The following TRPS1 variants were observed in gnomAD, a reference collection of about 807,000 sequenced individuals.
TRPS1 encodes the protein transcriptional repressor GATA binding 1.
TRPS1 carries 6 observed loss-of-function variants against 101.2 expected under a neutral mutation model. The observed-to-expected ratio is 0.06, with a 90% CI of 0.03 to 0.12. The LOEUF (loss-of-function observed/expected upper bound fraction) is 0.12. Among genes scored for constraint, TRPS1 ranks in the 10% least tolerant of loss-of-function variants. TRPS1 has a pLI of 1.00. For synonymous variants in TRPS1, 578 were observed against 589.8 expected, an observed-to-expected ratio of 0.98 and a Z score of 0.29; for missense variants, 1,363 against 1,567.0, an observed-to-expected ratio of 0.87 and a Z score of 2.20.
At chr8:115,479,425 T>C (rs1425504682) in intron 5 of TRPS1, among the ~76,000 whole-genome samples, 1 of 152,036 alleles carries the variant, frequency 6.6e-6, no homozygotes, top group Non-Finnish European at 1.5e-5. Context: ...TATATAGTGG[T>C]TTGCACAGTG....
intron 5 of TRPS1, among the ~76,000 whole-genome samples, chr8:115,506,001 A>C (rs990832876): frequency 1.3e-5 from 2 of 152,110 alleles, no homozygotes; most frequent in Admixed American, 1.3e-4. Context: ...TTAATCTATG[A>C]CTTAAAAATG....
chr8:115,538,408 A>G (rs1222879366), intron 5 of TRPS1, among the ~76,000 whole-genome samples: 4 of 152,164 alleles, frequency 2.6e-5, no homozygotes, highest in African/African-American at 9.7e-5. Flanking sequence ...TTTACCGACT[A>G]TCTTGCTAGC....
chr8:115,505,832 T>C (rs1815428977), intron 5 of TRPS1, among the ~76,000 whole-genome samples: 2 of 152,124 alleles, frequency 1.3e-5, no homozygotes, highest in South Asian at 4.1e-4. Flanking sequence ...ATAGATTGAA[T>C]GCATGTTTAC....
At chr8:115,589,022 G>T (rs573358735) in intron 4 of TRPS1, among the ~76,000 whole-genome samples, 28 of 152,156 alleles carry the variant, frequency 1.8e-4, no homozygotes, top group African/African-American at 6.5e-4. Flanking sequence ...AAAGGGCTGC[G>T]TAGGTAATCA....
chr8:115,620,185 A>G (rs1223607525), intron 2 of TRPS1, 125 bp from the exon 3 acceptor site: 4 of 484,316 alleles, frequency 8.3e-6, no homozygotes, highest in African/African-American at 6.4e-5. Flanking sequence ...CCTCTAGGAA[A>G]AAAAAAAAAA....
At chr8:115,533,273 A>G (rs2130272783) in intron 5 of TRPS1, among the ~76,000 whole-genome samples, 1 of 152,038 alleles carries the variant, frequency 6.6e-6, no homozygotes, top group South Asian at 2.1e-4. Context: ...CTCTCCCACC[A>G]CCCTCTGGTG....
At chr8:115,663,353 T>A in intron 1 of TRPS1, among the ~76,000 whole-genome samples, 1 of 151,784 alleles carries the variant, frequency 6.6e-6, no homozygotes. Flanking sequence ...TAAAGCAAAG[T>A]TTGGCATTAC....
intron 5 of TRPS1, among the ~76,000 whole-genome samples, chr8:115,423,829 A>T (rs73705191): frequency 0.011 from 1,743 of 152,168 alleles, 34 homozygotes; most frequent in African/African-American, 0.039. Flanking sequence ...ATTTTTTTTT[A>T]AATTTTAAAT....
intron 5 of TRPS1, among the ~76,000 whole-genome samples, chr8:115,508,406 C>T (rs1013111954): frequency 3.3e-5 from 5 of 152,042 alleles, no homozygotes; most frequent in African/African-American, 4.8e-5. Flanking sequence ...CATTTCCTGT[C>T]AAATATTGTC....
chr8:115,594,120 A>G (rs1353207473), intron 4 of TRPS1, among the ~76,000 whole-genome samples: 1 of 152,112 alleles, frequency 6.6e-6, no homozygotes, highest in South Asian at 2.1e-4. Flanking sequence ...ATGTACACAG[A>G]TATTTTGCAG....
intron 2 of TRPS1, 83 bp downstream of exon 2, chr8:115,623,518 C>A (rs181628078): frequency 6.6e-7 from 1 of 1,508,048 alleles, no homozygotes. Flanking sequence ...ATCTCTAAGA[C>A]AAATAACAGA....
At chr8:115,585,159 T>C (rs1817535770) in intron 5 of TRPS1, among the ~76,000 whole-genome samples, 1 of 152,160 alleles carries the variant, frequency 6.6e-6, no homozygotes, top group South Asian at 2.1e-4. Context: ...CTTCAGCAGC[T>C]AATGTGGAGG....
In TRPS1 at chr8:115,507,362, T is replaced by C. The variant is rs148041993; in HGVS notation, c.2700+79639A>G. On this transcript the variant is annotated intron_variant, in intron 5 of 6. Coordinates refer to ENST00000395715, the MANE Select transcript of TRPS1 (RefSeq NM_014112.5). ...CCCCAAACAGCCTAATCTTTGTCAA[T>C]TGGTGCCAAATTATGCAAGGTGCTG... Among the ~76,000 whole-genome samples, 365 of 152,230 alleles carry C rather than the reference T, an allele frequency of 2.4e-3. 1 individual carries two copies. Among genetic ancestry groups the C allele is most frequent in the Non-Finnish European group, 3.9e-3 (268 of 67,984 alleles).
chr8:115,618,173 C>T (rs1409193729), intron 3 of TRPS1, among the ~76,000 whole-genome samples: 1 of 152,016 alleles, frequency 6.6e-6, no homozygotes, highest in Non-Finnish European at 1.5e-5. Context: ...CTAATCATTC[C>T]TAAAAAAAGT....
At chr8:115,429,269 G>C (rs1470841367) in intron 5 of TRPS1, among the ~76,000 whole-genome samples, 2 of 152,058 alleles carry the variant, frequency 1.3e-5, no homozygotes, top group Non-Finnish European at 2.9e-5. Context: ...CTGTAAAAAC[G>C]AACACATACC....
intron 1 of TRPS1, among the ~76,000 whole-genome samples, chr8:115,663,349 A>G (rs1453523799): frequency 3.9e-5 from 6 of 151,972 alleles, no homozygotes; most frequent in Non-Finnish European, 7.4e-5. Context: ...CTTTTAAAGC[A>G]AAGTTTGGCA....
At chr8:115,571,331 C>T (rs537367560) in intron 5 of TRPS1, among the ~76,000 whole-genome samples, 1 of 152,226 alleles carries the variant, frequency 6.6e-6, no homozygotes, top group Admixed American at 6.5e-5. Flanking sequence ...TTTTAAAAGA[C>T]ATTTTAATTT....
At chr8:115,638,170 A>T (rs187558548) in intron 1 of TRPS1, among the ~76,000 whole-genome samples, 1 of 152,246 alleles carries the variant, frequency 6.6e-6, no homozygotes, top group African/African-American at 2.4e-5. Context: ...AAAAACGGAG[A>T]CTTGACAGAC....
intron 5 of TRPS1, among the ~76,000 whole-genome samples, chr8:115,522,341 C>A (rs181601757): frequency 6.6e-6 from 1 of 151,946 alleles, no homozygotes; most frequent in East Asian, 1.9e-4. Context: ...CAAATATCTA[C>A]CTCTTAGCTC....
Sources: allele counts gnomAD v4.1 joint callset (sites outside exome capture counted in the v4.1 genomes callset), GRCh38; gene constraint gnomAD v4.1.1; transcripts MANE v1.5; gene names NCBI Gene and HGNC (gene_info 2026-07-23, HGNC 2026-07-21).